Variants in IQCM observed in about 807,000 individuals in gnomAD.
IQCM encodes the protein IQ domain-containing protein M.
In IQCM, 45 loss-of-function variants were observed where a neutral mutation model predicts 57.6. The ratio of observed to expected loss-of-function variants is 0.78; its 90% confidence interval spans 0.62 to 1.00. The LOEUF (loss-of-function observed/expected upper bound fraction) is 1.00, where lower values mean the gene tolerates loss of function less well. Ranked by LOEUF, IQCM falls within the 50% of genes least tolerant of loss-of-function variation. The pLI, the probability that IQCM is intolerant of heterozygous loss-of-function variation, is 0.00. For synonymous variants in IQCM, 148 were observed against 158.9 expected, an observed-to-expected ratio of 0.93 and a Z score of 0.51; for missense variants, 468 against 511.6, an observed-to-expected ratio of 0.91 and a Z score of 0.82.
At chr4:149,752,378 C>A (rs1237658557) in intron 2 of IQCM, among the ~76,000 whole-genome samples, 1 of 151,764 alleles carries the variant, frequency 6.6e-6, no homozygotes, top group Middle Eastern at 3.2e-3. Flanking sequence ...ATGGTGAAAC[C>A]CCATCTCTAC....
intron 12 of IQCM, among the ~76,000 whole-genome samples, chr4:149,435,861 T>C (rs1560834991): frequency 2.0e-5 from 3 of 152,120 alleles, no homozygotes; most frequent in South Asian, 2.1e-4. Flanking sequence ...ACAAAGAATA[T>C]ATTTTTTTAC....
chr4:149,723,743 G>C (rs528503149), intron 5 of IQCM, among the ~76,000 whole-genome samples: 2 of 152,058 alleles, frequency 1.3e-5, no homozygotes, highest in East Asian at 3.9e-4. Context: ...TCAGTCTGTA[G>C]TTTTGTTGTT....
Position 149,807,716 on chromosome 4 carries a change from GA to G in IQCM, c.-49+7594del, listed in dbSNP as rs557154291. Among the ~76,000 whole-genome samples, 139 of 151,056 alleles carry G rather than the reference GA, an allele frequency of 9.2e-4. 2 individuals are homozygous for G. In the South Asian group the frequency reaches 0.018, roughly 20 times the overall value. On this transcript the variant is annotated intron_variant, in intron 2 of 13. Transcript: ENST00000636793. ...GAATTAATAGCCAGAATATATAAGG[GA>G]AAAAAAATTAATAGCAAAAAGAACA...
At chr4:149,402,904 A>G (rs536099025) in intron 13 of IQCM, among the ~76,000 whole-genome samples, 9 of 152,012 alleles carry the variant, frequency 5.9e-5, no homozygotes, top group East Asian at 5.8e-4. Context: ...TGCCTAGTAA[A>G]TGACCAAACC....
intron 2 of IQCM, among the ~76,000 whole-genome samples, chr4:149,762,560 A>C (rs1006320678): frequency 1.3e-5 from 2 of 152,162 alleles, no homozygotes; most frequent in South Asian, 4.1e-4. Flanking sequence ...AGGTTGCAGT[A>C]TTTCTATATT....
chr4:149,645,255 T>C (rs1487697628), intron 7 of IQCM, among the ~76,000 whole-genome samples: 1 of 152,210 alleles, frequency 6.6e-6, no homozygotes, highest in Non-Finnish European at 1.5e-5. Flanking sequence ...CACTCCTTTA[T>C]TTGATGAACA....
chr4:149,418,793 G>T (rs72955404), intron 13 of IQCM, among the ~76,000 whole-genome samples: 1,564 of 152,132 alleles, frequency 0.01, 16 homozygotes, highest in African/African-American at 0.027. Context: ...ACTTCAGCAA[G>T]GTCTCAGGAT....
At chr4:149,812,509 C>CACAG (rs1554045623) in intron 2 of IQCM, among the ~76,000 whole-genome samples, 2,882 of 145,912 alleles carry the variant, frequency 0.02, 33 homozygotes, top group South Asian at 0.028. Flanking sequence ...CACAGACACA[C>CACAG]ACACACACAC....
intron 2 of IQCM, among the ~76,000 whole-genome samples, chr4:149,804,120 A>G (rs1037795307): frequency 2.0e-5 from 3 of 151,956 alleles, no homozygotes; most frequent in African/African-American, 7.2e-5. Context: ...GTAAAACCCA[A>G]GGAGATTTGG....
At chr4:149,811,528 G>A (rs1191675149) in intron 2 of IQCM, among the ~76,000 whole-genome samples, 2 of 152,138 alleles carry the variant, frequency 1.3e-5, no homozygotes, top group Non-Finnish European at 2.9e-5. Context: ...TTATGATAGT[G>A]AATGGACTGA....
At chr4:149,423,005 G>T (rs989764259) in intron 13 of IQCM, among the ~76,000 whole-genome samples, 1 of 151,986 alleles carries the variant, frequency 6.6e-6, no homozygotes, top group Non-Finnish European at 1.5e-5. Flanking sequence ...GTTGATCACT[G>T]TATGATGAAA....
At chr4:149,502,630 C>T (rs545835338) in intron 12 of IQCM, among the ~76,000 whole-genome samples, 23 of 152,188 alleles carry the variant, frequency 1.5e-4, no homozygotes, top group Middle Eastern at 3.4e-3. Flanking sequence ...GCCATGCTCA[C>T]GCCACTGCAC....
chr4:149,655,346 C>G (rs1176613800), intron 7 of IQCM, among the ~76,000 whole-genome samples: 1 of 152,124 alleles, frequency 6.6e-6, no homozygotes, highest in Non-Finnish European at 1.5e-5. Context: ...AAACTCTTTT[C>G]TTACATCCCA....
At position 149,433,433 on chromosome 4, in the gene IQCM, T is replaced by A. The variant is rs571288673; in HGVS notation, c.1353A>T (p.Arg451Ser). ...AACCTTCTTCCCCATTTACTATGGG[T>A]CTCAACCAAGTCGACTTGAGTAGTG... is the stretch of plus-strand genomic sequence containing the variant. ...DSTLLKSTWL[R>S]PIVNGEEGYR... is the part of the protein sequence containing the mutation. Residue 451 changes from arginine to serine, a missense_variant, in exon 13 of 14, where the codon AGA becomes AGT. By Grantham distance (110) the Arg-to-Ser change is moderately radical (BLOSUM62 -1). Coordinates refer to ENST00000636793, the MANE Select transcript of IQCM (RefSeq NM_001363507.2). The A allele has an allele frequency of 9.9e-5, 121 of 1,226,828 alleles. No individual in the cohort carries two copies. In the African/African-American group the frequency reaches 1.7e-3, roughly 17 times the overall value. The allele number at this position is 1,226,828 out of a possible 1,614,324, so 76.0% of individuals were successfully genotyped here.
chr4:149,726,983 CA>C (rs1561205140), intron 5 of IQCM, among the ~76,000 whole-genome samples: 1 of 151,990 alleles, frequency 6.6e-6, no homozygotes, highest in East Asian at 1.9e-4. Context: ...CTCCTGCCCT[CA>C]AGTGATCTGT....
At chr4:149,418,218 G>C (rs531652369) in intron 13 of IQCM, among the ~76,000 whole-genome samples, 2 of 151,148 alleles carry the variant, frequency 1.3e-5, no homozygotes, top group East Asian at 3.9e-4. Flanking sequence ...TAGTAAAGAA[G>C]AGAGAAGAAT....
At position 149,587,996 on chromosome 4, in the gene IQCM, T is replaced by C; in HGVS notation, c.683A>G (p.Lys228Arg). 2 of 1,217,408 alleles carry C rather than the reference T, an allele frequency of 1.6e-6. No individual in the cohort carries two copies. Among genetic ancestry groups the C allele is most frequent in the Non-Finnish European group, 2.1e-6 (2 of 975,246 alleles). 75.4% of individuals were successfully genotyped at this position (1,217,408 alleles called of 1,614,324 possible). A position where few individuals can be genotyped will look rare whatever the true frequency, so the allele number is the denominator to read the frequency against. ...CTTTTTAATAAGGGTTTTAAAGGTT[T>C]TCTATAATAAGGAAAAGAAGAGTTG... The part of the protein sequence containing the change: ...SSSIFRDYYS[K>R]TFKTLIKKER... Residue 228 changes from lysine (K) to arginine (R), a missense_variant and splice_region_variant, in exon 9 of 14, where the codon AAA becomes AGA. Physicochemically the swap from Lys to Arg is conservative, Grantham distance 26. Transcript: ENST00000636793.
rs191861786 is a variant in IQCM, at chr4:149,747,010, C to T, written c.-48-4271G>A. Among the ~76,000 whole-genome samples the T allele has an allele frequency of 9.0e-4, 137 of 152,262 alleles. 1 individual carries two copies. Among genetic ancestry groups the T allele is most frequent in the African/African-American group, 3.1e-3 (130 of 41,548 alleles). ...CCCTCCCAGCTTTTGTCCTAGTCAC[C>T]CTTCTCTGATAAGTATAAGCCCCCT... On this transcript the variant is annotated intron_variant, in intron 2 of 13. Transcript: ENST00000636793.
chr4:149,568,160 T>C (rs187985817), intron 9 of IQCM, among the ~76,000 whole-genome samples: 1 of 152,196 alleles, frequency 6.6e-6, no homozygotes, highest in East Asian at 1.9e-4. Context: ...GACATGGAAG[T>C]CCCCTCTCTG....
Sources: allele counts gnomAD v4.1 joint callset (sites outside exome capture counted in the v4.1 genomes callset), GRCh38; gene constraint gnomAD v4.1.1; transcripts MANE v1.5; gene names NCBI Gene and HGNC (gene_info 2026-07-23, HGNC 2026-07-21).